The following MTARC2 variants were observed in gnomAD, a reference collection of about 807,000 sequenced individuals.
The protein encoded by MTARC2 is mitochondrial amidoxime reducing component 2, also known as MOCO sulphurase C-terminal domain containing 2.
MTARC2 carries 27 observed loss-of-function variants against 35.6 expected under a neutral mutation model. The ratio of observed to expected loss-of-function variants is 0.76; its 90% CI spans 0.56 to 1.04. MTARC2 has a LOEUF of 1.04. MTARC2 is among the 50% of genes least tolerant of loss of function. MTARC2 has a pLI of 0.00. For synonymous variants in MTARC2, 158 were observed against 167.1 expected (o/e 0.95, Z 0.42); for missense variants, 412 against 432.5 (o/e 0.95, Z 0.42).
In MTARC2 at chr1:220,769,966, G is replaced by A. The variant is rs1671696197; in HGVS notation, c.750+6916G>A. On this transcript the variant is annotated intron_variant, in intron 4 of 7. Coordinates refer to ENST00000366913, the MANE Select transcript of MTARC2 (RefSeq NM_017898.5). ...AAAAAAAAAAAAAAAAATTAAGCGG[G>A]CGTGATGGCGGGCGACTGTAGCCCC... is the stretch of plus-strand genomic sequence containing the variant. Among the ~76,000 whole-genome samples the A allele has an allele frequency of 3.5e-5, 4 of 112,784 alleles. No individual in the cohort carries two copies. The Admixed American group carries it at 4.2e-4, about 12-fold the overall frequency. The allele number at this position is 112,784 out of a possible 152,430, so 74.0% of individuals were successfully genotyped here.
At chr1:220,767,661 T>G (rs965636408) in intron 4 of MTARC2, among the ~76,000 whole-genome samples, 2 of 152,236 alleles carry the variant, frequency 1.3e-5, no homozygotes, top group Non-Finnish European at 2.9e-5. Flanking sequence ...CTTGATATTT[T>G]TAATGGAATA....
At chr1:220,777,149 C>A (rs1263777199) in intron 4 of MTARC2, among the ~76,000 whole-genome samples, 2 of 152,206 alleles carry the variant, frequency 1.3e-5, no homozygotes, top group Non-Finnish European at 2.9e-5. Context: ...TTATCCTCAA[C>A]TGGTTGGTTG....
chr1:220,774,845 G>A (rs981537265), intron 4 of MTARC2, among the ~76,000 whole-genome samples: 1 of 152,200 alleles, frequency 6.6e-6, no homozygotes, highest in African/African-American at 2.4e-5. Flanking sequence ...TATACATAGA[G>A]AGATGGACTA....
chr1:220,759,508 C>T (rs971133096), intron 2 of MTARC2, among the ~76,000 whole-genome samples: 3 of 148,196 alleles, frequency 2.0e-5, no homozygotes, highest in Admixed American at 1.4e-4. Flanking sequence ...GAAGGGGCTC[C>T]GGTTAATCAG....
Position 220,754,192 on chromosome 1 carries a change from C to T in MTARC2, c.273-755C>T, listed in dbSNP as rs142582949. Among the ~76,000 whole-genome samples, 649 of 152,296 alleles carry T rather than the reference C, an allele frequency of 4.3e-3. 3 individuals are homozygous for T. Among genetic ancestry groups the T allele is most frequent in the African/African-American group, 0.015 (616 of 41,552 alleles). On this transcript the variant is annotated intron_variant, in intron 1 of 7. Coordinates refer to ENST00000366913, the MANE Select transcript of MTARC2 (RefSeq NM_017898.5). Reference sequence around the variant, plus strand: ...GTGTGGTACAGCCCCAACCTATATGCTAGGCTGTAGGTAAAAGCCTAACCA... The same window carrying T: ...GTGTGGTACAGCCCCAACCTATATGTTAGGCTGTAGGTAAAAGCCTAACCA...
At chr1:220,769,369 A>T (rs1671672090) in intron 4 of MTARC2, among the ~76,000 whole-genome samples, 1 of 152,146 alleles carries the variant, frequency 6.6e-6, no homozygotes, top group African/African-American at 2.4e-5. Flanking sequence ...TTAACAGGAG[A>T]CCTGCAGTGA....
At chr1:220,758,275 G>A (rs145234226) in intron 2 of MTARC2, among the ~76,000 whole-genome samples, 2,037 of 152,028 alleles carry the variant, frequency 0.013, 33 homozygotes, top group East Asian at 0.06. Flanking sequence ...GAGCCACCAC[G>A]CCCGGCCACT....
intron 2 of MTARC2, among the ~76,000 whole-genome samples, chr1:220,756,902 T>C (rs1671294786): frequency 6.6e-6 from 1 of 152,206 alleles, no homozygotes; most frequent in African/African-American, 2.4e-5. Flanking sequence ...CCTATTCTTT[T>C]TTATTTATTT....
intron 4 of MTARC2, among the ~76,000 whole-genome samples, chr1:220,779,569 G>A (rs974861981): frequency 6.6e-6 from 1 of 152,224 alleles, no homozygotes; most frequent in Non-Finnish European, 1.5e-5. Flanking sequence ...TGTCTGTGAA[G>A]GTGGCAGCAA....
intron 4 of MTARC2, among the ~76,000 whole-genome samples, chr1:220,778,002 G>A (rs1480865980): frequency 6.6e-6 from 1 of 152,142 alleles, no homozygotes; most frequent in African/African-American, 2.4e-5. Context: ...CAGCAGTTTG[G>A]GAGGCTGAGT....
At chr1:220,776,722 C>G (rs1372179102) in intron 4 of MTARC2, among the ~76,000 whole-genome samples, 1 of 152,184 alleles carries the variant, frequency 6.6e-6, no homozygotes, top group African/African-American at 2.4e-5. Context: ...TGTCAGACTC[C>G]CTGCCTTCTG....
intron 2 of MTARC2, among the ~76,000 whole-genome samples, chr1:220,758,204 C>T (rs1336573823): frequency 2.6e-5 from 4 of 151,872 alleles, no homozygotes; most frequent in Admixed American, 6.6e-5. Context: ...ACCATGGTCT[C>T]GATCTCCTGA....
chr1:220,761,965 T>G (rs1308222512), intron 3 of MTARC2, 145 bp downstream of exon 3: 1 of 794,482 alleles, frequency 1.3e-6, no homozygotes, highest in Admixed American at 2.6e-5. Context: ...GGGCACAGCC[T>G]AGGCAGAGGT....
At chr1:220,780,362 C>G in intron 6 of MTARC2, 123 bp downstream of exon 6, 1 of 781,894 alleles carries the variant, frequency 1.3e-6, no homozygotes, top group Non-Finnish European at 2.0e-6. Context: ...ACCTTCCAGT[C>G]TACCTTCTGA....
intron 4 of MTARC2, among the ~76,000 whole-genome samples, chr1:220,773,755 A>G: frequency 6.6e-6 from 1 of 152,182 alleles, no homozygotes; most frequent in East Asian, 1.9e-4. Context: ...TATCTAGACA[A>G]AAATTATTTT....
intron 4 of MTARC2, 90 bp downstream of exon 4, chr1:220,763,140 C>A (rs1158707373): frequency 1.3e-6 from 2 of 1,556,868 alleles, no homozygotes; most frequent in Non-Finnish European, 1.8e-6. Context: ...CAACTCAGAT[C>A]CGCCAGGGTC....
At chr1:220,776,606 C>T (rs1346313076) in intron 4 of MTARC2, among the ~76,000 whole-genome samples, 1 of 151,960 alleles carries the variant, frequency 6.6e-6, no homozygotes, top group East Asian at 1.9e-4. Flanking sequence ...TAACTAGAGC[C>T]GGCATTTGGG....
intron 2 of MTARC2, 101 bp downstream of exon 2, chr1:220,755,221 A>G (rs1490885417): frequency 1.6e-6 from 2 of 1,266,300 alleles, no homozygotes; most frequent in Non-Finnish European, 2.1e-6. Flanking sequence ...GTAGAGGATG[A>G]CATTGGTAAA....
At chr1:220,781,714 A>G (rs1231399036) in intron 6 of MTARC2, 64 bp from the exon 7 acceptor site, 3 of 1,584,882 alleles carry the variant, frequency 1.9e-6, no homozygotes, top group Non-Finnish European at 2.6e-6. Context: ...CTTGAGTTCT[A>G]TTGAGAATAC....
Sources: gnomAD v4.1 joint callset for allele counts (sites outside exome capture counted in the v4.1 genomes callset) on GRCh38, gnomAD v4.1.1 for gene constraint, MANE v1.5 for transcripts, NCBI Gene and HGNC (gene_info 2026-07-23, HGNC 2026-07-21) for gene names.